Variants in DCC observed in about 807,000 individuals in gnomAD.
DCC encodes netrin receptor DCC.
DCC carries 58 observed loss-of-function variants against 172.5 expected under a neutral mutation model. That is an observed-to-expected ratio of 0.34 (90% CI 0.27 to 0.42). The LOEUF (loss-of-function observed/expected upper bound fraction) is 0.42, where lower values mean the gene tolerates loss of function less well. DCC is among the 10% of genes least tolerant of loss of function. The probability of loss-of-function intolerance (pLI) is 1.00; values close to 1 mark genes in which losing one functional copy is unlikely to be tolerated. For missense variants in DCC, 1,740 were observed against 1,791.0 expected (o/e 0.97, Z 0.51); for synonymous variants, 709 against 644.5 (o/e 1.10, Z -1.52).
At chr18:53,077,367 G>A (rs1483732275) in intron 7 of DCC, among the ~76,000 whole-genome samples, 1 of 152,128 alleles carries the variant, frequency 6.6e-6, no homozygotes, top group East Asian at 1.9e-4. Flanking sequence ...AATTTGGGGT[G>A]TACCCACATA....
intron 1 of DCC, among the ~76,000 whole-genome samples, chr18:52,701,353 G>A (rs767431918): frequency 3.3e-5 from 5 of 152,188 alleles, no homozygotes; most frequent in Admixed American, 6.5e-5. Flanking sequence ...AAAGGCCATA[G>A]CTTGGGGCTT....
intron 26 of DCC, 46 bp downstream of exon 26, chr18:53,487,004 C>T (rs2045909132): frequency 1.2e-6 from 2 of 1,610,478 alleles, no homozygotes; most frequent in Non-Finnish European, 1.7e-6. Flanking sequence ...TGAATAATAG[C>T]AAAGGTGTCT....
intron 5 of DCC, among the ~76,000 whole-genome samples, chr18:52,995,559 T>G (rs927812548): frequency 6.6e-6 from 1 of 152,008 alleles, no homozygotes; most frequent in Non-Finnish European, 1.5e-5. Flanking sequence ...GCTCTTCCCC[T>G]TCCATTCCCT....
chr18:52,356,513 G>C (rs950325901), intron 1 of DCC, among the ~76,000 whole-genome samples: 2 of 152,006 alleles, frequency 1.3e-5, no homozygotes, highest in Admixed American at 1.3e-4. Context: ...CTTTTCCTTT[G>C]TTCTTTGTTC....
chr18:52,552,352 A>T (rs1008103434), intron 1 of DCC, among the ~76,000 whole-genome samples: 1 of 152,020 alleles, frequency 6.6e-6, no homozygotes, highest in Middle Eastern at 3.2e-3. Context: ...ACCATTCAAA[A>T]CCATTCTTGA....
chr18:52,664,578 C>A (rs945481787), intron 1 of DCC, among the ~76,000 whole-genome samples: 2 of 143,390 alleles, frequency 1.4e-5, no homozygotes, highest in Non-Finnish European at 3.0e-5. Context: ...TCACGCCATT[C>A]TCCTGCCTCA....
intron 2 of DCC, among the ~76,000 whole-genome samples, chr18:52,826,904 T>A (rs9964043): frequency 0.26 from 40,116 of 152,174 alleles, 5,410 homozygotes; most frequent in South Asian, 0.3. Flanking sequence ...TGTAAATACT[T>A]TTTTCTTGCC....
chr18:52,493,629 C>T (rs191619723), intron 1 of DCC, among the ~76,000 whole-genome samples: 2 of 152,106 alleles, frequency 1.3e-5, no homozygotes, highest in African/African-American at 2.4e-5. Flanking sequence ...GATTTCAGTG[C>T]TCCCATTTCA....
intron 27 of DCC, among the ~76,000 whole-genome samples, chr18:53,519,188 T>C (rs536776590): frequency 4.6e-5 from 7 of 152,198 alleles, no homozygotes; most frequent in South Asian, 2.1e-4. Flanking sequence ...TTAAATTTCT[T>C]ACATTTATAG....
At chr18:52,458,043 C>T (rs143111200) in intron 1 of DCC, among the ~76,000 whole-genome samples, 14 of 152,278 alleles carry the variant, frequency 9.2e-5, no homozygotes, top group African/African-American at 2.4e-4. Context: ...GGCGTGGATG[C>T]GGCCACATGG....
At chr18:52,466,305 C>T (rs4255865) in intron 1 of DCC, among the ~76,000 whole-genome samples, 1,599 of 152,076 alleles carry the variant, frequency 0.011, 58 homozygotes, top group Admixed American at 0.064. Context: ...AAAATAGTGG[C>T]GTTTTCTAAT....
intron 1 of DCC, among the ~76,000 whole-genome samples, chr18:52,579,872 C>T (rs1317908904): frequency 6.6e-6 from 1 of 152,164 alleles, no homozygotes. Context: ...ATGTCAAAAT[C>T]ACTAACTCAG....
chr18:52,780,256 T>C (rs1437455042), intron 2 of DCC, among the ~76,000 whole-genome samples: 2 of 152,176 alleles, frequency 1.3e-5, no homozygotes, highest in African/African-American at 4.8e-5. Flanking sequence ...CCCAGGAATC[T>C]AGCTCAATTC....
At position 53,378,846 on chromosome 18, in the gene DCC, T is replaced by C. The variant is rs188303461; in HGVS notation, c.2360-7197T>C. On this transcript the variant is annotated intron_variant, in intron 15 of 28. Coordinates refer to ENST00000442544, the MANE Select transcript of DCC (RefSeq NM_005215.4). The stretch of plus-strand genomic sequence containing the variant: ...CAAGACTGATAAATGAGAAAACATG[T>C]CATAAACTGACCATTCTTTGGACAG... Among the ~76,000 whole-genome samples the C allele has an allele frequency of 9.3e-4, 142 of 152,212 alleles. 1 individual carries two copies. Among genetic ancestry groups the C allele is most frequent in the African/African-American group, 3.0e-3 (126 of 41,532 alleles).
At chr18:53,340,953 G>A (rs2057652636) in intron 15 of DCC, among the ~76,000 whole-genome samples, 1 of 152,102 alleles carries the variant, frequency 6.6e-6, no homozygotes, top group African/African-American at 2.4e-5. Context: ...GATTTTCTCA[G>A]TAAAGGAAGA....
intron 1 of DCC, among the ~76,000 whole-genome samples, chr18:52,688,776 G>A (rs950541039): frequency 3.9e-5 from 6 of 151,904 alleles, no homozygotes; most frequent in African/African-American, 1.5e-4. Context: ...ACAATTAAAA[G>A]TTATTTAAAA....
chr18:53,416,254 T>G, intron 21 of DCC, 98 bp downstream of exon 21: 1 of 854,698 alleles, frequency 1.2e-6, no homozygotes, highest in Non-Finnish European at 2.0e-6. Flanking sequence ...ACCTGGACCA[T>G]ACACCTGATG....
intron 22 of DCC, among the ~76,000 whole-genome samples, chr18:53,448,056 T>TTTTG (rs1328173590): frequency 1.4e-5 from 2 of 142,590 alleles, no homozygotes; most frequent in African/African-American, 6.0e-5. Flanking sequence ...AGTTTTTTTT[T>TTTTG]TTTTTTTTTT....
intron 1 of DCC, among the ~76,000 whole-genome samples, chr18:52,446,308 G>T (rs544797419): frequency 6.6e-6 from 1 of 152,174 alleles, no homozygotes; most frequent in Non-Finnish European, 1.5e-5. Flanking sequence ...AAGGAAAGAA[G>T]ACAATAAATT....
Sources: gnomAD v4.1 joint callset for allele counts (sites outside exome capture counted in the v4.1 genomes callset) on GRCh38, gnomAD v4.1.1 for gene constraint, MANE v1.5 for transcripts, NCBI Gene and HGNC (gene_info 2026-07-23, HGNC 2026-07-21) for gene names.